SOX6: variants seen among roughly 807,000 people sequenced by gnomAD.
The protein encoded by SOX6 is SRY-box transcription factor 6, also known as transcription factor SOX-6.
Under a neutral mutation model 97.8 loss-of-function variants are expected in SOX6, and 11 were observed. The observed-to-expected ratio is 0.11, with a 90% confidence interval of 0.07 to 0.19. The LOEUF is 0.19. Ranked by LOEUF, SOX6 falls within the 10% of genes least tolerant of loss-of-function variation. SOX6 has a pLI of 1.00. For missense variants in SOX6, 810 were observed against 1,039.5 expected, an observed-to-expected ratio of 0.78 and a Z score of 3.04; for synonymous variants, 360 against 371.4, an observed-to-expected ratio of 0.97 and a Z score of 0.35.
chr11:16,737,469 T>C (rs1043403357), intron 1 of SOX6, among the ~76,000 whole-genome samples: 2 of 151,556 alleles, frequency 1.3e-5, no homozygotes, highest in Non-Finnish European at 1.5e-5. Flanking sequence ...CCTCCCAAAA[T>C]GCTGGGGATT....
At chr11:16,656,950 C>A (rs1204696934) in intron 3 of SOX6, among the ~76,000 whole-genome samples, 1 of 152,086 alleles carries the variant, frequency 6.6e-6, no homozygotes, top group Non-Finnish European at 1.5e-5. Context: ...ACTGATGAAC[C>A]AATATTGACA....
chr11:16,713,267 A>G (rs1296756347), intron 3 of SOX6, among the ~76,000 whole-genome samples: 2 of 152,230 alleles, frequency 1.3e-5, no homozygotes, highest in African/African-American at 2.4e-5. Context: ...AAACTAGAAA[A>G]AAATACAATT....
At chr11:16,640,573 A>T (rs972986082) in intron 3 of SOX6, among the ~76,000 whole-genome samples, 2 of 152,126 alleles carry the variant, frequency 1.3e-5, no homozygotes, top group African/African-American at 4.8e-5. Context: ...TATTAATTAT[A>T]GCCTCAATTT....
At chr11:16,034,087 G>C (rs749647442) in intron 12 of SOX6, among the ~76,000 whole-genome samples, 2 of 152,064 alleles carry the variant, frequency 1.3e-5, no homozygotes, top group Non-Finnish European at 2.9e-5. Context: ...TAAGAAAATG[G>C]ATACTAATTT....
intron 15 of SOX6, among the ~76,000 whole-genome samples, chr11:15,981,179 C>A (rs774586872): frequency 1.9e-4 from 29 of 152,036 alleles, no homozygotes; most frequent in African/African-American, 7.0e-4. Flanking sequence ...TCAAACACTG[C>A]AGATTTCACA....
upstream of SOX6, among the ~76,000 whole-genome samples, chr11:16,357,287 C>T (rs1046610911): frequency 6.6e-6 from 1 of 152,014 alleles, no homozygotes; most frequent in Non-Finnish European, 1.5e-5. Context: ...CTTTAGTCAC[C>T]CAGACTGGAA....
At chr11:16,198,230 CTTT>C (rs71455880) in intron 4 of SOX6, among the ~76,000 whole-genome samples, 2 of 48,358 alleles carry the variant, frequency 4.1e-5, no homozygotes, top group Non-Finnish European at 3.8e-5. Context: ...ATTTTTTTTT[CTTT>C]TTTTTTTTTT....
intron 9 of SOX6, among the ~76,000 whole-genome samples, chr11:16,058,007 C>T (rs1847861904): frequency 1.3e-5 from 2 of 152,024 alleles, no homozygotes. Flanking sequence ...CTTTTCGATC[C>T]AAACTCATGT....
chr11:16,071,602 GCCACTC>G (rs1848226687), intron 9 of SOX6, among the ~76,000 whole-genome samples: 1 of 152,118 alleles, frequency 6.6e-6, no homozygotes, highest in Non-Finnish European at 1.5e-5. Context: ...ATCCAGACAG[GCCACTC>G]CCACTAAAGC....
intron 15 of SOX6, among the ~76,000 whole-genome samples, chr11:15,976,194 T>C (rs929344891): frequency 1.3e-5 from 2 of 152,144 alleles, no homozygotes; most frequent in African/African-American, 2.4e-5. Flanking sequence ...TGAGAACTTA[T>C]CCCTGTGAGA....
At chr11:16,601,065 A>G (rs1290134026) in intron 4 of SOX6, among the ~76,000 whole-genome samples, 1 of 152,142 alleles carries the variant, frequency 6.6e-6, no homozygotes, top group Non-Finnish European at 1.5e-5. Context: ...AACAGAGGAG[A>G]GACATATTTC....
intron 2 of SOX6, among the ~76,000 whole-genome samples, chr11:16,327,388 C>T (rs1393922706): frequency 6.6e-6 from 1 of 151,952 alleles, no homozygotes; most frequent in Admixed American, 6.6e-5. Context: ...GTCATGATAA[C>T]CACTGGCACC....
intron 4 of SOX6, among the ~76,000 whole-genome samples, chr11:16,509,641 C>A (rs1426003482): frequency 6.6e-6 from 1 of 151,996 alleles, no homozygotes; most frequent in Non-Finnish European, 1.5e-5. Flanking sequence ...GAGAACGAGT[C>A]ATGATTATGC....
chr11:16,225,132 T>C (rs1470449913), intron 4 of SOX6, among the ~76,000 whole-genome samples: 2 of 152,098 alleles, frequency 1.3e-5, no homozygotes, highest in African/African-American at 2.4e-5. Context: ...TTAATTATTA[T>C]AGAAATAACA....
intron 4 of SOX6, among the ~76,000 whole-genome samples, chr11:16,538,136 A>C (rs1448598761): frequency 2.0e-5 from 3 of 152,212 alleles, no homozygotes; most frequent in Non-Finnish European, 2.9e-5. Flanking sequence ...TCTCTGCAGA[A>C]ACCGTACAAG....
At chr11:16,034,546 A>G (rs1855466339) in intron 12 of SOX6, among the ~76,000 whole-genome samples, 1 of 152,222 alleles carries the variant, frequency 6.6e-6, no homozygotes, top group Non-Finnish European at 1.5e-5. Flanking sequence ...AGAGGGAATC[A>G]GTGATGTAAA....
intron 1 of SOX6, among the ~76,000 whole-genome samples, chr11:16,371,410 T>C (rs1299203613): frequency 6.6e-6 from 1 of 152,046 alleles, no homozygotes; most frequent in African/African-American, 2.4e-5. Flanking sequence ...CCCTTTTTTG[T>C]TTTATTTTCT....
At chr11:16,077,903 T>C (rs1228597886) in intron 9 of SOX6, among the ~76,000 whole-genome samples, 2 of 152,004 alleles carry the variant, frequency 1.3e-5, no homozygotes, top group Non-Finnish European at 2.9e-5. Flanking sequence ...AACAAACCCT[T>C]GTGACATGCA....
At chr11:16,048,301 A>G (rs143661640) in intron 11 of SOX6, among the ~76,000 whole-genome samples, 290 of 152,314 alleles carry the variant, frequency 1.9e-3, no homozygotes, top group African/African-American at 6.8e-3. Flanking sequence ...ACTTGGCATG[A>G]AAACTTTCAG....
Sources: allele counts gnomAD v4.1 joint callset (sites outside exome capture counted in the v4.1 genomes callset), GRCh38; gene constraint gnomAD v4.1.1; transcripts MANE v1.5; gene names NCBI Gene and HGNC (gene_info 2026-07-23, HGNC 2026-07-21).